ARAP1: variants seen among roughly 807,000 people sequenced by gnomAD.
ARAP1 encodes the protein arf-GAP with Rho-GAP domain, ANK repeat and PH domain-containing protein 1.
Under a neutral mutation model 172.2 loss-of-function variants are expected in ARAP1, and 76 were observed. The ratio of observed to expected loss-of-function variants is 0.44; its 90% CI spans 0.37 to 0.53. ARAP1 has a LOEUF of 0.53. ARAP1 is among the 20% of genes least tolerant of loss of function. ARAP1 has a pLI of 0.00. For missense variants in ARAP1, 1,686 were observed against 1,977.5 expected (o/e 0.85, Z 2.80); for synonymous variants, 804 against 803.3 (o/e 1.00, Z -0.01).
Position 72,712,191 on chromosome 11 carries a change from C to T in ARAP1, c.1022+5G>A. On this transcript the variant is annotated splice_donor_5th_base_variant and intron_variant, in intron 7 of 34. Coordinates refer to ENST00000393609, the MANE Select transcript of ARAP1 (RefSeq NM_001040118.3). The stretch of plus-strand genomic sequence containing the variant: ...GCACAGCAGGACCCAAGAGGCCTCA[C>T]TCACCCCTGCGGTGGGTTCTTGTCC... 1 of 1,594,628 alleles carries T rather than the reference C, an allele frequency of 6.3e-7. No homozygotes were observed. The highest frequency in any genetic ancestry group is 2.2e-5 in the East Asian group (1 of 44,698).
In ARAP1 at chr11:72,712,550, G is replaced by T. The variant is rs1049038181; in HGVS notation, c.766C>A (p.Arg256=). ...MTKKEEPPPS[R]VPRAVRVASL... is the part of the protein sequence containing the mutation. ...GCCACGCGCACGGCCCGTGGGACTC[G>T]GCTCGGTGGGGGCTCCTCCTGCCCC... The change falls in exon 6 of 35, where the codon CGA becomes AGA. Residue 256 remains arginine, a synonymous_variant. Coordinates refer to ENST00000393609, the MANE Select transcript of ARAP1 (RefSeq NM_001040118.3). The T allele has an allele frequency of 2.5e-6, 4 of 1,613,028 alleles. No homozygotes were observed. The South Asian group carries it at 4.4e-5, about 18-fold the overall frequency.
chr11:72,722,406 C>A, intron 3 of ARAP1: 1 of 962,944 alleles, frequency 1.0e-6, no homozygotes, highest in Non-Finnish European at 1.2e-6. Flanking sequence ...CCCCAGGCTG[C>A]ACCCCCACCC....
In ARAP1 at chr11:72,712,568, C is replaced by G. The variant is rs1240336366; in HGVS notation, c.748G>C (p.Glu250Gln). 2 of 1,612,002 alleles carry G rather than the reference C, an allele frequency of 1.2e-6. No homozygotes were observed. Among genetic ancestry groups the G allele is most frequent in the Non-Finnish European group, 8.5e-7 (1 of 1,179,928 alleles). The stretch of plus-strand genomic sequence containing the variant: ...GGGACTCGGCTCGGTGGGGGCTCCT[C>G]CTGCCCCCGAGACCCACTCAGCGTC... The part of the protein sequence containing the change: ...GAPARVMTKK[E>Q]EPPPSRVPRA... Residue 250 changes from glutamate (E) to glutamine (Q), a missense_variant and splice_region_variant, in exon 6 of 35, where the codon GAG (glutamate) becomes CAG (glutamine). By Grantham distance (29) the Glu-to-Gln change is conservative. Transcript: ENST00000393609.
At chr11:72,706,627 C>T (rs546464631) in intron 12 of ARAP1, among the ~76,000 whole-genome samples, 2 of 152,338 alleles carry the variant, frequency 1.3e-5, no homozygotes, top group African/African-American at 2.4e-5. Flanking sequence ...ATGCTCACGG[C>T]TTCCCCAGGC....
In ARAP1 at chr11:72,699,645, C is replaced by A. The variant is rs1856385038; in HGVS notation, c.2303-93G>T. On this transcript the variant is annotated intron_variant, in intron 16 of 34. Coordinates refer to ENST00000393609, the MANE Select transcript of ARAP1 (RefSeq NM_001040118.3). The surrounding 1 kb of genome is among the most constrained non-coding windows in gnomAD (Gnocchi z 4.2). ...TCCCGGGGCTCCTGCTCCCATCTGA[C>A]CCATGAGCTCTTCATTCTCTCAAGT... The A allele has an allele frequency of 6.8e-7, 1 of 1,472,950 alleles. No individual in the cohort carries two copies. The highest frequency in any genetic ancestry group is 9.1e-7 in the Non-Finnish European group (1 of 1,097,818). 91.2% of individuals were successfully genotyped at this position (1,472,950 alleles called of 1,614,324 possible). A position where few individuals can be genotyped will look rare whatever the true frequency, so the allele number is the denominator to read the frequency against.
In ARAP1 at chr11:72,693,991, T is replaced by G. The variant is rs1431948785; in HGVS notation, c.3695-186A>C. Among the ~76,000 whole-genome samples, 3 of 152,074 alleles carry G rather than the reference T, an allele frequency of 2.0e-5. No individual in the cohort carries two copies. The highest frequency in any genetic ancestry group is 2.9e-5 in the Non-Finnish European group (2 of 68,000). ...AAGCTTCAGGCTTGACACACCTGGC[T>G]GTGACCAAAGCTGCTCAAATTCAAC... On this transcript the variant is annotated intron_variant, in intron 27 of 34. Coordinates refer to ENST00000393609, the MANE Select transcript of ARAP1 (RefSeq NM_001040118.3). The surrounding 1 kb of genome is among the most constrained non-coding windows in gnomAD (Gnocchi z 4.6).
intron 3 of ARAP1, among the ~76,000 whole-genome samples, chr11:72,724,382 A>T (rs1857627225): frequency 6.6e-6 from 1 of 152,008 alleles, no homozygotes; most frequent in South Asian, 2.1e-4. Flanking sequence ...CCCCATCATG[A>T]GGGGTTGCAA....
At chr11:72,692,824 G>A in intron 29 of ARAP1, 39 bp from the exon 30 acceptor site, 1 of 1,611,968 alleles carries the variant, frequency 6.2e-7, no homozygotes, top group Non-Finnish European at 8.5e-7. Flanking sequence ...AGAAGTCCCA[G>A]GTCTAGAGCC....
chr11:72,712,696 C>T, intron 5 of ARAP1, 128 bp from the exon 6 acceptor site: 1 of 1,449,890 alleles, frequency 6.9e-7, no homozygotes, highest in Non-Finnish European at 9.5e-7. Flanking sequence ...GTTCTGTTTC[C>T]TCACACTCCC....
At chr11:72,733,740 A>T (rs1857933204) in intron 1 of ARAP1, among the ~76,000 whole-genome samples, 1 of 152,196 alleles carries the variant, frequency 6.6e-6, no homozygotes, top group South Asian at 2.1e-4. Context: ...CAAACACATA[A>T]ACAGGTATTT....
Position 72,712,347 on chromosome 11 carries a change from G to A in ARAP1, c.879-8C>T. 1.9e-6 allele frequency: 3 copies of A among 1,545,720 alleles called. No individual in the cohort carries two copies. The highest frequency in any genetic ancestry group is 3.6e-4 in the Middle Eastern group (2 of 5,614). On this transcript the variant is annotated splice_region_variant and splice_polypyrimidine_tract_variant and intron_variant, in intron 6 of 34. Transcript: ENST00000393609. ...CTGGTATGCCATCCGCCACTAGCGAGAGATGAGGGGATGGGGGGCCGGGCT... is the reference window on the plus strand; with the variant it reads ...CTGGTATGCCATCCGCCACTAGCGAAAGATGAGGGGATGGGGGGCCGGGCT...
Position 72,702,943 on chromosome 11 carries a change from G to T in ARAP1, c.2129C>A (p.Thr710Lys). The T allele has an allele frequency of 6.4e-7, 1 of 1,561,666 alleles. No homozygotes were observed. The highest frequency in any genetic ancestry group is 8.7e-7 in the Non-Finnish European group (1 of 1,152,416). Residue 710 changes from threonine (T) to lysine (K), a missense_variant, in exon 15 of 35, where the codon ACG becomes AAG. Physicochemically the swap from Thr to Lys is moderately conservative, Grantham distance 78 (BLOSUM62 -1). This residue lies in a region of ARAP1 where 688 missense variants were observed against 856.9 expected (regional missense o/e 0.80). Coordinates refer to ENST00000393609, the MANE Select transcript of ARAP1 (RefSeq NM_001040118.3). ...GTTCCGAAGGAATTCCATCTGCAGC[G>T]TCTGCCCCGCCTGCTCTGCAAGAGC... ...PLALAEQAGQTLQMEFLRNNR... is the reference protein window; with the variant it reads ...PLALAEQAGQKLQMEFLRNNR...
In ARAP1 at chr11:72,727,191, C is replaced by A; in HGVS notation, c.-44-19G>T. 1 of 1,491,320 alleles carries A rather than the reference C, an allele frequency of 6.7e-7. No individual in the cohort carries two copies. The highest frequency in any genetic ancestry group is 8.9e-7 in the Non-Finnish European group (1 of 1,119,846). 92.4% of individuals were successfully genotyped at this position (1,491,320 alleles called of 1,614,324 possible). On this transcript the variant is annotated intron_variant, in intron 2 of 34. Transcript: ENST00000393609. ...TCCAGAGCTAGAATAGACAGACAGGCACAGGTCAGAGGCAGGGCTGCCGAG... is the reference window on the plus strand; with the variant it reads ...TCCAGAGCTAGAATAGACAGACAGGAACAGGTCAGAGGCAGGGCTGCCGAG...
At chr11:72,692,902 G>T in intron 29 of ARAP1, 117 bp from the exon 30 acceptor site, 1 of 1,327,548 alleles carries the variant, frequency 7.5e-7, no homozygotes, top group Non-Finnish European at 1.1e-6. Context: ...GAAGGTGGAG[G>T]GTGTCAAATG....
intron 13 of ARAP1, 29 bp from the exon 14 acceptor site, chr11:72,704,363 G>A (rs1856657672): frequency 2.6e-6 from 4 of 1,521,860 alleles, no homozygotes; most frequent in Admixed American, 2.2e-5. Context: ...GGTCAGACGG[G>A]CCAGCTGACA....
rs191308141 is a variant in ARAP1 at position 72,735,116 on chromosome 11, G to A, written c.-127-2519C>T. Among the ~76,000 whole-genome samples the A allele has an allele frequency of 3.9e-4, 60 of 152,134 alleles. 1 individual carries two copies. Among genetic ancestry groups the A allele is most frequent in the Admixed American group, 3.8e-3 (58 of 15,282 alleles). Reference sequence around the variant, plus strand: ...CCACGTCAGCCTCCCAAGTACCTGGGACTACAGGCTTGCACCACCACGCCC... The same window carrying A: ...CCACGTCAGCCTCCCAAGTACCTGGAACTACAGGCTTGCACCACCACGCCC... On this transcript the variant is annotated intron_variant, in intron 1 of 34. Coordinates refer to ENST00000393609, the MANE Select transcript of ARAP1 (RefSeq NM_001040118.3).
chr11:72,752,245 C>T (rs1858553718), intron 1 of ARAP1, 83 bp downstream of exon 1: 1 of 152,428 alleles, frequency 6.6e-6, no homozygotes, highest in African/African-American at 2.4e-5. Context: ...GCGGCCTCGG[C>T]GTTCCTTTCT....
intron 13 of ARAP1, chr11:72,704,607 C>A (rs532698265): frequency 3.1e-5 from 13 of 415,192 alleles, no homozygotes; most frequent in South Asian, 7.6e-5. Flanking sequence ...GCACCTGGTC[C>A]CAGGGGCCTT....
At chr11:72,720,991 TG>T (rs1392162440) in intron 3 of ARAP1, among the ~76,000 whole-genome samples, 1 of 152,058 alleles carries the variant, frequency 6.6e-6, no homozygotes, top group Non-Finnish European at 1.5e-5. Context: ...CCTGGCCCTG[TG>T]CTGGCTCCTG....
Sources: allele counts gnomAD v4.1 joint callset (sites outside exome capture counted in the v4.1 genomes callset), GRCh38; gene constraint gnomAD v4.1.1; regional missense constraint gnomAD v4.1.1; non-coding constraint Gnocchi (gnomAD v3.1); transcripts MANE v1.5; gene names NCBI Gene and HGNC (gene_info 2026-07-23, HGNC 2026-07-21).